The following KDELR1 variants were observed in gnomAD, a reference collection of about 807,000 sequenced individuals.
KDELR1 encodes the protein ER lumen protein-retaining receptor 1.
Under a neutral mutation model 25.5 loss-of-function variants are expected in KDELR1, and 16 were observed. That is an observed-to-expected ratio of 0.63 (90% CI 0.43 to 0.95). The LOEUF is 0.95. Ranked by LOEUF, KDELR1 falls within the 40% of genes least tolerant of loss-of-function variation. The probability of loss-of-function intolerance (pLI) is 0.00; values close to 1 mark genes in which losing one functional copy is unlikely to be tolerated. For synonymous variants in KDELR1, 121 were observed against 115.0 expected, an observed-to-expected ratio of 1.05 and a Z score of -0.33; for missense variants, 159 against 265.2, an observed-to-expected ratio of 0.60 and a Z score of 2.78.
chr19:48,390,904 G>A (rs1362863989), intron 1 of KDELR1: 7 of 441,904 alleles, frequency 1.6e-5, no homozygotes, highest in Non-Finnish European at 2.9e-5. Flanking sequence ...TCAGGCCCCG[G>A]ATCCGGTCAC....
intron 3 of KDELR1, among the ~76,000 whole-genome samples, chr19:48,385,008 T>C (rs1970484903): frequency 6.6e-6 from 1 of 151,716 alleles, no homozygotes; most frequent in African/African-American, 2.4e-5. Flanking sequence ...TGCCTCAGCC[T>C]CCTGAGTAGC....
upstream of KDELR1, among the ~76,000 whole-genome samples, chr19:48,395,374 C>T (rs1970626770): frequency 6.6e-6 from 1 of 151,960 alleles, no homozygotes; most frequent in Admixed American, 6.6e-5. Context: ...CGCCAAGGAC[C>T]TTGAGGGCAT....
At chr19:48,387,447 C>CT (rs1220404172) in intron 3 of KDELR1, among the ~76,000 whole-genome samples, 15 of 152,074 alleles carry the variant, frequency 9.9e-5, no homozygotes, top group African/African-American at 3.6e-4. Context: ...CTTTGGGAAG[C>CT]TGAGATGGGA....
chr19:48,384,090 T>G lies in KDELR1; in HGVS notation c.604+140A>C. 8.8e-6 allele frequency: 9 copies of G among 1,022,492 alleles called. No individual in the cohort carries two copies. The highest frequency in any genetic ancestry group is 1.3e-5 in the Non-Finnish European group (9 of 704,198). 63.3% of individuals were successfully genotyped at this position (1,022,492 alleles called of 1,614,324 possible). The stretch of plus-strand genomic sequence containing the variant: ...ACGGTCTGAATTCCTAGGAGGATGG[T>G]AGGCCTGCCACCCCAGAAACCCGGC... On this transcript the variant is annotated intron_variant, in intron 4 of 4. Coordinates refer to ENST00000330720, the MANE Select transcript of KDELR1 (RefSeq NM_006801.3). The surrounding 1 kb of genome is among the most constrained non-coding windows in gnomAD (Gnocchi z 4.6).
intron 2 of KDELR1, chr19:48,390,143 G>GC: frequency 6.0e-6 from 2 of 336,040 alleles, no homozygotes; most frequent in Non-Finnish European, 1.1e-5. Flanking sequence ...AGGAGTCCAG[G>GC]CCCCAGTCCC....
At chr19:48,385,912 A>G (rs1970492387) in intron 3 of KDELR1, among the ~76,000 whole-genome samples, 1 of 152,198 alleles carries the variant, frequency 6.6e-6, no homozygotes, top group Non-Finnish European at 1.5e-5. Flanking sequence ...AAACGTGTCC[A>G]GATTCCCACT....
intron 3 of KDELR1, among the ~76,000 whole-genome samples, chr19:48,388,928 G>GA (rs879620756): frequency 0.29 from 31,781 of 109,510 alleles, 4,495 homozygotes; most frequent in African/African-American, 0.48. Flanking sequence ...AAGAAAGAAA[G>GA]AAGGAAAGAA....
intron 3 of KDELR1, among the ~76,000 whole-genome samples, chr19:48,388,278 C>T (rs929839312): frequency 1.3e-5 from 2 of 152,148 alleles, no homozygotes; most frequent in Non-Finnish European, 2.9e-5. Flanking sequence ...TGACACCAGG[C>T]AGTGCTGCAA....
chr19:48,394,548 G>A (rs1970611444), upstream of KDELR1, among the ~76,000 whole-genome samples: 1 of 144,304 alleles, frequency 6.9e-6, no homozygotes, highest in Non-Finnish European at 1.5e-5. This position sits in a 1 kb window ranked among gnomAD's most constrained non-coding sequence, Gnocchi z 5.1. Flanking sequence ...AGCCGGGGCT[G>A]AAGCGGCAGA....
At chr19:48,389,515 C>T (rs1569052984) in intron 3 of KDELR1, 38 bp downstream of exon 3, 5 of 1,612,098 alleles carry the variant, frequency 3.1e-6, no homozygotes, top group Non-Finnish European at 2.5e-6. Flanking sequence ...TCTGCCACAA[C>T]CATCCCCCCA....
chr19:48,394,529 G>T (rs367733669), upstream of KDELR1, among the ~76,000 whole-genome samples: 2 of 149,958 alleles, frequency 1.3e-5, no homozygotes, highest in Non-Finnish European at 3.0e-5. The surrounding 1 kb of genome is among the most constrained non-coding windows in gnomAD (Gnocchi z 5.1). Context: ...CACATGGAAA[G>T]GGGGGAGGAG....
At chr19:48,393,918 T>A (rs1048020512), upstream of KDELR1, among the ~76,000 whole-genome samples, 1 of 148,678 alleles carries the variant, frequency 6.7e-6, no homozygotes, top group Non-Finnish European at 1.5e-5. This position sits in a 1 kb window ranked among gnomAD's most constrained non-coding sequence, Gnocchi z 5.6. Context: ...GGAGGGGGGG[T>A]GTGTCTGTAA....
chr19:48,395,756 T>C (rs1970632156), upstream of KDELR1, among the ~76,000 whole-genome samples: 1 of 151,718 alleles, frequency 6.6e-6, no homozygotes, highest in African/African-American at 2.4e-5. Flanking sequence ...ACCCAGGATG[T>C]TGGGAAGGAT....
At chr19:48,390,728 AGCAGG>A (rs1192246291) in intron 1 of KDELR1, 13 of 545,772 alleles carry the variant, frequency 2.4e-5, no homozygotes. Context: ...GCCCCGCCTG[AGCAGG>A]GCCCTTTCCC....
chr19:48,386,574 A>G (rs1970499695), intron 3 of KDELR1, among the ~76,000 whole-genome samples: 1 of 150,416 alleles, frequency 6.6e-6, no homozygotes, highest in Non-Finnish European at 1.5e-5. Flanking sequence ...CAGCTTCCCG[A>G]GTAGCTGGGA....
upstream of KDELR1, among the ~76,000 whole-genome samples, chr19:48,395,161 G>A (rs1372631665): frequency 6.6e-6 from 1 of 150,618 alleles, no homozygotes; most frequent in African/African-American, 2.5e-5. Flanking sequence ...GACCTTTCAC[G>A]CCCCCATTTC....
intron 3 of KDELR1, among the ~76,000 whole-genome samples, chr19:48,386,392 C>T (rs1200276978): frequency 6.6e-6 from 1 of 151,396 alleles, no homozygotes; most frequent in South Asian, 2.1e-4. Context: ...GCTGGGATCA[C>T]AGGCGTGAGC....
intron 3 of KDELR1, among the ~76,000 whole-genome samples, chr19:48,386,474 G>A (rs7409291): frequency 0.22 from 28,722 of 131,948 alleles, 3,031 homozygotes; most frequent in East Asian, 0.32. Context: ...TTGAGATGGC[G>A]TCTTGCTCTG....
chr19:48,388,785 A>G (rs1438045546), intron 3 of KDELR1, among the ~76,000 whole-genome samples: 1 of 150,096 alleles, frequency 6.7e-6, no homozygotes, highest in Non-Finnish European at 1.5e-5. Context: ...AGAAAGAAAG[A>G]AAGGAAAGAA....
Sources: gnomAD v4.1 joint callset for allele counts (sites outside exome capture counted in the v4.1 genomes callset) on GRCh38, gnomAD v4.1.1 for gene constraint, Gnocchi (gnomAD v3.1) non-coding constraint, MANE v1.5 for transcripts, NCBI Gene and HGNC (gene_info 2026-07-23, HGNC 2026-07-21) for gene names.